Variants in ELAVL4 observed in about 807,000 individuals in gnomAD.
ELAVL4 encodes the protein ELAV-like protein 4.
ELAVL4 carries 1 observed loss-of-function variant against 35.6 expected under a neutral mutation model. The observed-to-expected ratio is 0.03, with a 90% CI of 0.01 to 0.13. The LOEUF (loss-of-function observed/expected upper bound fraction) is 0.13. Ranked by LOEUF, ELAVL4 falls within the 10% of genes least tolerant of loss-of-function variation. The probability of loss-of-function intolerance (pLI) is 1.00; values close to 1 mark genes in which losing one functional copy is unlikely to be tolerated. For missense variants in ELAVL4, 267 were observed against 464.9 expected, an observed-to-expected ratio of 0.57 and a Z score of 3.91; for synonymous variants, 156 against 171.0, an observed-to-expected ratio of 0.91 and a Z score of 0.69.
chr1:50,196,877 C>G (rs1644093180), intron 5 of ELAVL4, among the ~76,000 whole-genome samples: 1 of 152,142 alleles, frequency 6.6e-6, no homozygotes, highest in African/African-American at 2.4e-5. Context: ...TGGCAGTTTG[C>G]TGGGAGGTGC....
intron 3 of ELAVL4, chr1:50,181,208 T>C (rs41288397): frequency 2.2e-4 from 33 of 152,348 alleles, no homozygotes; most frequent in Non-Finnish European, 4.7e-4. Context: ...AACACGTGCA[T>C]TCTGTGAGGG....
chr1:50,122,711 A>G (rs911280812), intron 1 of ELAVL4, among the ~76,000 whole-genome samples: 3 of 152,082 alleles, frequency 2.0e-5, no homozygotes, highest in African/African-American at 7.2e-5. Context: ...TGAAAAGCAA[A>G]TCCCATGGCA....
At chr1:50,159,098 A>G (rs1399405310) in intron 2 of ELAVL4, among the ~76,000 whole-genome samples, 1 of 151,894 alleles carries the variant, frequency 6.6e-6, no homozygotes, top group Non-Finnish European at 1.5e-5. Flanking sequence ...TTCAACTGGC[A>G]GGATTGTTAT....
upstream of ELAVL4, chr1:50,106,271 C>T (rs1425915682): frequency 2.5e-6 from 4 of 1,594,542 alleles, no homozygotes; most frequent in South Asian, 2.3e-5. Flanking sequence ...TGGCTGCCGG[C>T]GACTGATGCT....
chr1:50,149,522 C>T (rs1010116676), intron 2 of ELAVL4, among the ~76,000 whole-genome samples: 3 of 149,212 alleles, frequency 2.0e-5, no homozygotes, highest in Non-Finnish European at 4.4e-5. Flanking sequence ...ATGTCACTCT[C>T]TGTGTACCCA....
At chr1:50,067,650 G>A (rs1257266544) in intron 1 of ELAVL4, among the ~76,000 whole-genome samples, 1 of 152,124 alleles carries the variant, frequency 6.6e-6, no homozygotes, top group Non-Finnish European at 1.5e-5. Context: ...AGGTGCTGGG[G>A]ACAAAGTTTA....
intron 1 of ELAVL4, among the ~76,000 whole-genome samples, chr1:50,092,190 G>C (rs80334890): frequency 0.021 from 3,123 of 152,292 alleles, 122 homozygotes; most frequent in African/African-American, 0.072. Context: ...AGTTATGATG[G>C]GTATATGTGT....
intron 3 of ELAVL4, among the ~76,000 whole-genome samples, chr1:50,177,460 C>G (rs951134687): frequency 6.6e-6 from 1 of 152,200 alleles, no homozygotes; most frequent in Admixed American, 6.5e-5. Flanking sequence ...ACAAAGAGGG[C>G]CTGTGAGCCT....
At chr1:50,197,114 T>C (rs979132323) in intron 5 of ELAVL4, among the ~76,000 whole-genome samples, 11 of 152,210 alleles carry the variant, frequency 7.2e-5, no homozygotes, top group Admixed American at 7.2e-4. Flanking sequence ...AGCCCCCGCT[T>C]TGAACAATTT....
intron 6 of ELAVL4, 193 bp from the exon 7 acceptor site, chr1:50,200,658 C>CT: frequency 2.5e-6 from 3 of 1,177,820 alleles, no homozygotes; most frequent in Non-Finnish European, 3.5e-6. Flanking sequence ...TGAACATGCC[C>CT]TAGCCAGTCA....
intron 2 of ELAVL4, among the ~76,000 whole-genome samples, chr1:50,156,755 G>A (rs976406823): frequency 1.3e-5 from 2 of 152,098 alleles, no homozygotes; most frequent in South Asian, 2.1e-4. Flanking sequence ...TGGCCAAGCC[G>A]GCTGCATACC....
chr1:50,108,894 A>G, upstream of ELAVL4: 1 of 1,068,162 alleles, frequency 9.4e-7, no homozygotes, highest in Non-Finnish European at 1.1e-6. Context: ...ATGGTCCCAT[A>G]AATGGATGTA....
At chr1:50,058,704 C>A (rs553332585) in intron 1 of ELAVL4, among the ~76,000 whole-genome samples, 2 of 151,944 alleles carry the variant, frequency 1.3e-5, no homozygotes, top group African/African-American at 4.8e-5. Flanking sequence ...GCCTCCACCC[C>A]CCAGGCTCAG....
At position 50,052,105 on chromosome 1, in the gene ELAVL4, G is replaced by A. The variant is rs139767067; in HGVS notation, c.18+3923G>A. On this transcript the variant is annotated intron_variant, in intron 1 of 6. Coordinates refer to the ELAVL4 transcript ENST00000448907. ...ACAGTCACATCCTGAGATACTGGGGGTTAGCACTTCAACATATGAATTTGA... is the reference window on the plus strand; with the variant it reads ...ACAGTCACATCCTGAGATACTGGGGATTAGCACTTCAACATATGAATTTGA... Among the ~76,000 whole-genome samples, 1,024 of 152,266 alleles carry A rather than the reference G, an allele frequency of 6.7e-3. 3 individuals carry two copies. Among genetic ancestry groups the A allele is most frequent in the Admixed American group, 0.011 (170 of 15,312 alleles).
intron 2 of ELAVL4, among the ~76,000 whole-genome samples, chr1:50,149,736 GT>G (rs1674440803): frequency 6.6e-6 from 1 of 151,834 alleles, no homozygotes; most frequent in Non-Finnish European, 1.5e-5. Flanking sequence ...TAGAGACAGG[GT>G]TTCACCATAT....
chr1:50,101,074 A>T (rs891147517), upstream of ELAVL4, among the ~76,000 whole-genome samples: 4 of 152,130 alleles, frequency 2.6e-5, no homozygotes, highest in Non-Finnish European at 4.4e-5. Flanking sequence ...ATGGAGCCTA[A>T]CATATCATTT....
chr1:50,084,124 T>C (rs1665130746), intron 1 of ELAVL4, among the ~76,000 whole-genome samples: 1 of 152,226 alleles, frequency 6.6e-6, no homozygotes, highest in African/African-American at 2.4e-5. Flanking sequence ...TTTCTGATTA[T>C]GAAAGAAGCA....
chr1:50,146,534 A>G (rs530593469), intron 2 of ELAVL4, among the ~76,000 whole-genome samples: 8 of 152,288 alleles, frequency 5.3e-5, no homozygotes, highest in African/African-American at 1.9e-4. Flanking sequence ...AAGTACAGCT[A>G]GTATGCTTCA....
intron 1 of ELAVL4, among the ~76,000 whole-genome samples, chr1:50,064,607 A>G (rs1664170096): frequency 6.6e-6 from 1 of 152,174 alleles, no homozygotes; most frequent in South Asian, 2.1e-4. Flanking sequence ...TAGTCACCAC[A>G]TGAATATCTT....
Sources: gnomAD v4.1 joint callset for allele counts (sites outside exome capture counted in the v4.1 genomes callset) on GRCh38, gnomAD v4.1.1 for gene constraint, MANE v1.5 for transcripts, NCBI Gene and HGNC (gene_info 2026-07-23, HGNC 2026-07-21) for gene names.